Variants in IFIH1 observed in about 807,000 individuals in gnomAD.
IFIH1 encodes interferon-induced helicase C domain-containing protein 1.
Under a neutral mutation model 107.4 loss-of-function variants are expected in IFIH1, and 125 were observed. That is an observed-to-expected ratio of 1.16 (90% CI 1.01 to 1.35). IFIH1 has a LOEUF of 1.35. IFIH1 is among the 40% of genes most tolerant of loss of function. IFIH1 has a pLI of 0.00. For synonymous variants in IFIH1, 458 were observed against 413.2 expected, an observed-to-expected ratio of 1.11 and a Z score of -1.31; for missense variants, 1,333 against 1,213.7, an observed-to-expected ratio of 1.10 and a Z score of -1.46.
At chr2:162,297,063 G>T (rs139198749) in intron 3 of IFIH1, among the ~76,000 whole-genome samples, 2,092 of 151,892 alleles carry the variant, frequency 0.014, 142 homozygotes, top group Admixed American at 0.12. Context: ...AATAATAAAA[G>T]AAAATATATT....
At chr2:162,316,253 T>C in intron 1 of IFIH1, among the ~76,000 whole-genome samples, 1 of 152,216 alleles carries the variant, frequency 6.6e-6, no homozygotes. Context: ...CTGGACTCTG[T>C]TGCTTCTGGA....
chr2:162,317,988 A>G lies in IFIH1; in HGVS notation c.320T>C (p.Phe107Ser), dbSNP rs1439047627. The change falls in exon 1 of 16, where the codon TTT (phenylalanine) becomes TCT (serine). Residue 107 changes from phenylalanine to serine, a missense_variant. Transcript: ENST00000649979. ...PELTDLPSPS[F>S]ENAHDEYLQL... Reference sequence around the variant, plus strand: ...GAGATATTCATCATGAGCGTTCTCAAACGATGGAGAGGGCAAGTCCGTGAG... The same window carrying G: ...GAGATATTCATCATGAGCGTTCTCAGACGATGGAGAGGGCAAGTCCGTGAG... 6.2e-7 allele frequency: 1 copy of G among 1,614,170 alleles called. No individual in the cohort carries two copies. The highest frequency in any genetic ancestry group is 2.2e-5 in the East Asian group (1 of 44,866).
intron 2 of IFIH1, chr2:162,310,388 C>T (rs1683367337): frequency 3.2e-6 from 1 of 310,220 alleles, no homozygotes; most frequent in South Asian, 8.1e-5. Flanking sequence ...TAATACATTG[C>T]TTAAAATGTA....
chr2:162,279,324 A>T (rs1682766726), intron 8 of IFIH1, among the ~76,000 whole-genome samples: 1 of 152,108 alleles, frequency 6.6e-6, no homozygotes. Context: ...TGCATATTTC[A>T]TATCATTTGA....
chr2:162,288,849 A>G (rs1682943565), intron 4 of IFIH1, among the ~76,000 whole-genome samples: 1 of 151,586 alleles, frequency 6.6e-6, no homozygotes, highest in Non-Finnish European at 1.5e-5. Flanking sequence ...AATTGCAAAG[A>G]AGGTATTATG....
chr2:162,282,570 GC>G lies in IFIH1; in HGVS notation c.1101del (p.Leu368Ter). ...GKVIVLVNKVLLVEQLFRKEF... is the reference protein window; with the variant it reads ...GKVIVLVNKVXLVEQLFRKEF... ...TCCTTGCGGAAGAGCTGTTCAACTA[GC>G]AGTACCTTAAAAAAATGTGAAGATT... On this transcript the variant is annotated frameshift_variant, in exon 6 of 16. Transcript: ENST00000649979. LOFTEE classifies it high-confidence loss of function. 1 of 1,599,262 alleles carries G rather than the reference GC, an allele frequency of 6.3e-7. No individual in the cohort carries two copies. Among genetic ancestry groups the G allele is most frequent in the South Asian group, 1.1e-5 (1 of 89,172 alleles).
At chr2:162,282,193 C>CAACT (rs1682821667) in intron 6 of IFIH1, among the ~76,000 whole-genome samples, 173 bp downstream of exon 6, 1 of 151,824 alleles carries the variant, frequency 6.6e-6, no homozygotes, top group Non-Finnish European at 1.5e-5. Context: ...ATAAAGTGGT[C>CAACT]TAATTAAAAA....
chr2:162,284,850 G>A (rs1682872250), intron 5 of IFIH1, among the ~76,000 whole-genome samples: 1 of 151,954 alleles, frequency 6.6e-6, no homozygotes, highest in East Asian at 1.9e-4. Context: ...CACTCATGCT[G>A]AATGATTTAA....
chr2:162,283,510 A>G (rs1025399642), intron 5 of IFIH1, among the ~76,000 whole-genome samples: 1 of 152,034 alleles, frequency 6.6e-6, no homozygotes, highest in South Asian at 2.1e-4. Context: ...GATTTATGCA[A>G]TGGAAGCCCA....
At chr2:162,308,448 C>T (rs1488710768) in intron 2 of IFIH1, among the ~76,000 whole-genome samples, 4 of 150,272 alleles carry the variant, frequency 2.7e-5, no homozygotes, top group African/African-American at 4.9e-5. Context: ...GGCATGATCT[C>T]GGCTCACTGC....
At chr2:162,270,673 C>G (rs1239581527) in intron 13 of IFIH1, among the ~76,000 whole-genome samples, 1 of 152,086 alleles carries the variant, frequency 6.6e-6, no homozygotes, top group Non-Finnish European at 1.5e-5. Flanking sequence ...CAGAGATTGT[C>G]CTAGTGTTGA....
intron 8 of IFIH1, 126 bp downstream of exon 8, chr2:162,279,870 A>C (rs940356870): frequency 2.5e-5 from 17 of 670,728 alleles, no homozygotes; most frequent in South Asian, 2.0e-4. Flanking sequence ...TTAAAAAAAA[A>C]CCTGAAACTT....
At chr2:162,304,009 CAGAT>C (rs1453121729) in intron 3 of IFIH1, among the ~76,000 whole-genome samples, 1 of 152,146 alleles carries the variant, frequency 6.6e-6, no homozygotes, top group Non-Finnish European at 1.5e-5. Context: ...ACTCCACACT[CAGAT>C]AGTGAATTTT....
intron 3 of IFIH1, among the ~76,000 whole-genome samples, chr2:162,304,929 C>T (rs1683254714): frequency 6.6e-6 from 1 of 152,086 alleles, no homozygotes; most frequent in Non-Finnish European, 1.5e-5. Flanking sequence ...AATCATTTGA[C>T]CCAGAAATTC....
At chr2:162,285,556 T>G (rs1367334747) in intron 5 of IFIH1, among the ~76,000 whole-genome samples, 1 of 151,974 alleles carries the variant, frequency 6.6e-6, no homozygotes, top group African/African-American at 2.4e-5. Context: ...GTGGAGGGAT[T>G]TCTAGTAATT....
Position 162,276,744 on chromosome 2 carries a change from G to C in IFIH1, c.2247C>G (p.Val749=). Reference sequence around the variant, plus strand: ...CAGCTCCAATCAGATGGTGGGCTTTGACTCCTACTTCAGCAAATTTTTCAT... The same window carrying C: ...CAGCTCCAATCAGATGGTGGGCTTTCACTCCTACTTCAGCAAATTTTTCAT... ...TENEKFAEVG[V]KAHHLIGAGH... The change falls in exon 11 of 16, where the codon GTC becomes GTG. Residue 749 remains valine, a synonymous_variant. Transcript: ENST00000649979. The C allele has an allele frequency of 6.2e-7, 1 of 1,614,038 alleles. No individual in the cohort carries two copies. Among genetic ancestry groups the C allele is most frequent in the Non-Finnish European group, 8.5e-7 (1 of 1,179,930 alleles).
intron 13 of IFIH1, among the ~76,000 whole-genome samples, chr2:162,271,767 G>GCACA (rs1691044503): frequency 6.6e-6 from 1 of 151,916 alleles, no homozygotes; most frequent in African/African-American, 2.4e-5. Context: ...ACTTCACCAG[G>GCACA]CACACACTAG....
chr2:162,273,318 C>G (rs1181600829), intron 12 of IFIH1, among the ~76,000 whole-genome samples: 1 of 152,028 alleles, frequency 6.6e-6, no homozygotes, highest in Non-Finnish European at 1.5e-5. Context: ...TGCCCCCAAC[C>G]AACATTTTAT....
At position 162,282,397 on chromosome 2, in the gene IFIH1, T is replaced by C. The variant is rs374148988; in HGVS notation, c.1275A>G (p.Glu425=). The C allele has an allele frequency of 6.2e-7, 1 of 1,611,096 alleles. No homozygotes were observed. The highest frequency in any genetic ancestry group is 8.5e-7 in the Non-Finnish European group (1 of 1,178,306). ...QILENSLLNL[E]NGEDAGVQLS... is the part of the protein sequence containing the mutation. Reference sequence around the variant, plus strand: ...ATTGAACACCAGCATCTTCTCCATTTTCCAAGTTTAAGAGGGAGTTTTCAA... The same window carrying C: ...ATTGAACACCAGCATCTTCTCCATTCTCCAAGTTTAAGAGGGAGTTTTCAA... Residue 425 remains glutamate (E), a synonymous_variant, in exon 6 of 16, where the codon GAA becomes GAG. Coordinates refer to ENST00000649979, the MANE Select transcript of IFIH1 (RefSeq NM_022168.4).
Sources: gnomAD v4.1 joint callset for allele counts (sites outside exome capture counted in the v4.1 genomes callset) on GRCh38, gnomAD v4.1.1 for gene constraint, MANE v1.5 for transcripts, NCBI Gene and HGNC (gene_info 2026-07-23, HGNC 2026-07-21) for gene names.